The following RGS21 variants were observed in gnomAD, a reference collection of about 807,000 sequenced individuals.
RGS21 encodes the protein regulator of G-protein signalling 21.
Under a neutral mutation model 18.7 loss-of-function variants are expected in RGS21, and 19 were observed. The observed-to-expected ratio is 1.01, with a 90% confidence interval of 0.71 to 1.49. The LOEUF (loss-of-function observed/expected upper bound fraction) is 1.49, where lower values mean the gene tolerates loss of function less well. Among genes scored for constraint, RGS21 ranks in the 40% most tolerant of loss-of-function variants. The pLI is 0.00. For synonymous variants in RGS21, 56 were observed against 57.8 expected (o/e 0.97, Z 0.14); for missense variants, 194 against 176.8 (o/e 1.10, Z -0.55).
chr1:192,333,269 TACACACACACACACAC>T (rs137948736), intron 1 of RGS21, among the ~76,000 whole-genome samples: 1 of 142,918 alleles, frequency 7.0e-6, no homozygotes, highest in East Asian at 2.0e-4. Flanking sequence ...GTTTCTTAAA[TACACACACACACACAC>T]ACACACACAC....
intron 3 of RGS21, among the ~76,000 whole-genome samples, chr1:192,348,642 C>T (rs1476443139): frequency 1.3e-5 from 2 of 152,022 alleles, no homozygotes; most frequent in Non-Finnish European, 2.9e-5. Flanking sequence ...TCTTAGTTAA[C>T]ACAACTTACA....
At chr1:192,326,560 GC>G (rs1487711729) in intron 1 of RGS21, among the ~76,000 whole-genome samples, 2 of 152,178 alleles carry the variant, frequency 1.3e-5, no homozygotes, top group African/African-American at 4.8e-5. Flanking sequence ...CAACATGAAA[GC>G]CAAGCAAGTT....
intron 4 of RGS21, among the ~76,000 whole-genome samples, chr1:192,363,821 C>T (rs928338425): frequency 6.6e-6 from 1 of 152,034 alleles, no homozygotes; most frequent in African/African-American, 2.4e-5. Flanking sequence ...GCATTAGGGA[C>T]TCTGTGTTTA....
At chr1:192,360,137 T>C (rs1034737876) in intron 4 of RGS21, among the ~76,000 whole-genome samples, 1 of 152,082 alleles carries the variant, frequency 6.6e-6, no homozygotes, top group Non-Finnish European at 1.5e-5. Context: ...TCTAGTTCTA[T>C]GGCTTTTAAA....
At chr1:192,360,649 C>T (rs920985341) in intron 4 of RGS21, among the ~76,000 whole-genome samples, 1 of 152,064 alleles carries the variant, frequency 6.6e-6, no homozygotes, top group Non-Finnish European at 1.5e-5. Context: ...AAATTCTCCT[C>T]GTTGGCCTCA....
intron 1 of RGS21, among the ~76,000 whole-genome samples, chr1:192,325,996 G>T (rs1188813945): frequency 6.6e-6 from 1 of 151,910 alleles, no homozygotes; most frequent in Non-Finnish European, 1.5e-5. Flanking sequence ...GTATTCTATA[G>T]GAATGATTTT....
At chr1:192,350,348 C>T (rs897540274) in intron 3 of RGS21, among the ~76,000 whole-genome samples, 2 of 152,186 alleles carry the variant, frequency 1.3e-5, no homozygotes, top group African/African-American at 2.4e-5. Flanking sequence ...TTTCTATAAA[C>T]TTCACTTTTG....
At position 192,364,887 on chromosome 1, in the gene RGS21, C is replaced by A. The variant is rs180735549; in HGVS notation, c.256-1034C>A. 4.6e-5 allele frequency among the ~76,000 whole-genome samples: 7 copies of A among 152,188 alleles called. No homozygotes were observed. The East Asian group carries it at 7.7e-4, about 17-fold the overall frequency. ...GTGGCTCATCCCTATAATCCCAGCA[C>A]TGTGGGAGGCCGAGGCAGGCAGGTC... On this transcript the variant is annotated intron_variant, in intron 4 of 4. Transcript: ENST00000417209.
At chr1:192,358,783 G>A (rs1659144036) in intron 4 of RGS21, among the ~76,000 whole-genome samples, 1 of 152,098 alleles carries the variant, frequency 6.6e-6, no homozygotes, top group Non-Finnish European at 1.5e-5. Flanking sequence ...TATTCTTTCT[G>A]CTAAAGTAAT....
intron 3 of RGS21, 40 bp downstream of exon 3, chr1:192,347,429 A>C: frequency 1.1e-6 from 1 of 922,492 alleles, no homozygotes; most frequent in Non-Finnish European, 1.8e-6. Flanking sequence ...TACAATAATT[A>C]AATATAAATT....
chr1:192,324,972 A>T (rs1658547296), intron 1 of RGS21, among the ~76,000 whole-genome samples: 1 of 152,070 alleles, frequency 6.6e-6, no homozygotes, highest in African/African-American at 2.4e-5. Flanking sequence ...ACAGAGTTAA[A>T]TCTTGGCCTC....
intron 1 of RGS21, among the ~76,000 whole-genome samples, chr1:192,324,400 C>T (rs927046707): frequency 5.9e-5 from 9 of 152,042 alleles, no homozygotes; most frequent in Non-Finnish European, 1.0e-4. Flanking sequence ...CAAGATAAGG[C>T]ATTAGCAGTT....
At chr1:192,362,988 A>G (rs956872906) in intron 4 of RGS21, among the ~76,000 whole-genome samples, 7 of 152,256 alleles carry the variant, frequency 4.6e-5, no homozygotes, top group Non-Finnish European at 7.4e-5. Context: ...ATAAACTTCA[A>G]TGCTAGGTGT....
intron 1 of RGS21, among the ~76,000 whole-genome samples, chr1:192,338,456 A>T (rs938228747): frequency 2.0e-5 from 3 of 152,140 alleles, no homozygotes; most frequent in Non-Finnish European, 4.4e-5. Context: ...GAATAGAAAC[A>T]TAATATGGGC....
chr1:192,317,233 TAAAAAG>T (rs958532107), intron 1 of RGS21, 128 bp downstream of exon 1: 2 of 151,840 alleles, frequency 1.3e-5, no homozygotes, highest in African/African-American at 4.8e-5. Flanking sequence ...TTTGGAATCA[TAAAAAG>T]AAAAAATTTT....
intron 4 of RGS21, among the ~76,000 whole-genome samples, chr1:192,359,830 T>C (rs1196678963): frequency 6.6e-6 from 1 of 150,978 alleles, no homozygotes; most frequent in African/African-American, 2.4e-5. Flanking sequence ...TTTAGTAAGA[T>C]ATATATATCT....
chr1:192,324,771 T>C (rs542884279), intron 1 of RGS21, among the ~76,000 whole-genome samples: 59 of 152,230 alleles, frequency 3.9e-4, no homozygotes, highest in African/African-American at 1.4e-3. Context: ...CTACTTATCC[T>C]AACTTCGATG....
At chr1:192,363,223 C>CT (rs919158407) in intron 4 of RGS21, among the ~76,000 whole-genome samples, 2 of 151,974 alleles carry the variant, frequency 1.3e-5, no homozygotes, top group African/African-American at 4.8e-5. Context: ...TGGCTTTGGA[C>CT]TTTTTAAGTA....
At chr1:192,330,278 C>G (rs1394851069) in intron 1 of RGS21, among the ~76,000 whole-genome samples, 1 of 152,120 alleles carries the variant, frequency 6.6e-6, no homozygotes. Flanking sequence ...GCAAGCAAAG[C>G]TTTGAAATCC....
Sources: gnomAD v4.1 joint callset for allele counts (sites outside exome capture counted in the v4.1 genomes callset) on GRCh38, gnomAD v4.1.1 for gene constraint, MANE v1.5 for transcripts, NCBI Gene and HGNC (gene_info 2026-07-23, HGNC 2026-07-21) for gene names.